NOXO1: variants seen among roughly 807,000 people sequenced by gnomAD.
The protein encoded by NOXO1 is NADPH oxidase regulatory protein.
In NOXO1, 38 loss-of-function variants were observed where a neutral mutation model predicts 33.3. That is an observed-to-expected ratio of 1.14 (90% confidence interval 0.88 to 1.50). NOXO1 has a LOEUF of 1.50. NOXO1 is among the 40% of genes most tolerant of loss of function. NOXO1 has a pLI of 0.00. For synonymous variants in NOXO1, 302 were observed against 237.3 expected (o/e 1.27, Z -2.51); for missense variants, 675 against 527.1 (o/e 1.28, Z -2.75).
Position 1,981,126 on chromosome 16 carries a change from G to C in NOXO1, c.54C>G (p.Ile18Met), listed in dbSNP as rs779727689. ...VSVQGAALVQ[I>M]KRLQTFAFSV... is the part of the protein sequence containing the mutation. ...AGCCAGGTCTTACTTGGAGCCTCTTGATCTGCACCAGGGCTGCCCCTTGCA... is the reference window on the plus strand; with the variant it reads ...AGCCAGGTCTTACTTGGAGCCTCTTCATCTGCACCAGGGCTGCCCCTTGCA... Residue 18 changes from isoleucine (I) to methionine (M), a missense_variant, in exon 1 of 8, where the codon ATC (isoleucine) becomes ATG (methionine). Coordinates refer to ENST00000356120, the MANE Select transcript of NOXO1 (RefSeq NM_172167.3). The C allele has an allele frequency of 6.2e-7, 1 of 1,613,458 alleles. No homozygotes were observed. The highest frequency in any genetic ancestry group is 8.5e-7 in the Non-Finnish European group (1 of 1,179,972).
In NOXO1 at chr16:1,981,326, C is replaced by T; in HGVS notation, c.-147G>A. 6.9e-7 allele frequency: 1 copy of T among 1,449,256 alleles called. No homozygotes were observed. Among genetic ancestry groups the T allele is most frequent in the Non-Finnish European group, 9.1e-7 (1 of 1,103,924 alleles). 89.8% of individuals were successfully genotyped at this position (1,449,256 alleles called of 1,614,324 possible). On this transcript the variant is annotated 5_prime_UTR_variant, in exon 1 of 8. Coordinates refer to ENST00000356120, the MANE Select transcript of NOXO1 (RefSeq NM_172167.3). ...GCCTGTGGGGTCCTTGTGGAGCCGC[C>T]CCAGCTGAGTCCTTTGCAGCTTTCT...
Position 1,980,479 on chromosome 16 carries a change from T to G in NOXO1, c.289A>C (p.Thr97Pro). The G allele has an allele frequency of 6.2e-7, 1 of 1,601,528 alleles. No individual in the cohort carries two copies. Among genetic ancestry groups the G allele is most frequent in the Non-Finnish European group, 8.5e-7 (1 of 1,179,496 alleles). The change falls in exon 4 of 8, where the codon ACC becomes CCC. Residue 97 changes from threonine to proline, a missense_variant. Thr to Pro is a conservative substitution (Grantham distance 38, BLOSUM62 -1). Transcript: ENST00000356120. ...RGLARLQLLE[T>P]YSRRLLATAE... ...GTCGCCAGCAGCCTCCGAGAATAGG[T>G]TTCCAACAGCTGCAGGCGCGCCAGG...
chr16:1,979,712 G>A (rs1173586046), intron 6 of NOXO1, 78 bp downstream of exon 6: 4 of 1,286,488 alleles, frequency 3.1e-6, no homozygotes, highest in Non-Finnish European at 3.2e-6. Context: ...GGCCCGCCCT[G>A]CCCGCGGTGC....
chr16:1,979,766 T>G, intron 6 of NOXO1, 24 bp downstream of exon 6: 1 of 1,472,584 alleles, frequency 6.8e-7, no homozygotes, highest in Non-Finnish European at 9.1e-7. Flanking sequence ...AGTGGTGGCG[T>G]GAGGGGTGGG....
chr16:1,979,821 GC>G lies in NOXO1; in HGVS notation c.668del (p.Gly223AlafsTer8). 7.7e-6 allele frequency: 12 copies of G among 1,566,918 alleles called. No individual in the cohort carries two copies. Among genetic ancestry groups the G allele is most frequent in the Non-Finnish European group, 1.0e-5 (12 of 1,157,652 alleles). ...PYLEEAAPGQ[G>X]REGGPSLGSS... ...TCCCTAGGGACGGGCCTCCCTCCCG[GC>G]CTTGGCCCGGGGCCGCCTCCTCCAG... On this transcript the variant is annotated frameshift_variant, in exon 6 of 8. Coordinates refer to ENST00000356120, the MANE Select transcript of NOXO1 (RefSeq NM_172167.3). LOFTEE classifies it high-confidence loss of function.
chr16:1,979,096 G>T lies in NOXO1; in HGVS notation c.1072C>A (p.Arg358=). 1 of 1,508,022 alleles carries T rather than the reference G, an allele frequency of 6.6e-7. No individual in the cohort carries two copies. The highest frequency in any genetic ancestry group is 2.6e-5 in the East Asian group (1 of 38,942). The allele number at this position is 1,508,022 out of a possible 1,614,324, so 93.4% of individuals were successfully genotyped here. A position where few individuals can be genotyped will look rare whatever the true frequency, so the allele number is the denominator to read the frequency against. Residue 358 remains arginine, a synonymous_variant, in exon 8 of 8, where the codon CGA becomes AGA. Coordinates refer to ENST00000356120, the MANE Select transcript of NOXO1 (RefSeq NM_172167.3). ...TGCGGCACAGAGTCCACGCACCCTC[G>T]AGGGCGGCCCTGGCGCCGTGGGCGC... ...ERRPRRQGRP[R]GCVDSVPHPT...
chr16:1,981,018 G>T lies in NOXO1; in HGVS notation c.68C>A (p.Thr23Lys). The change falls in exon 2 of 8, where the codon ACG becomes AAG. Residue 23 changes from threonine (T) to lysine (K), a missense_variant and splice_region_variant. Thr to Lys is a moderately conservative substitution (Grantham distance 78). Coordinates refer to ENST00000356120, the MANE Select transcript of NOXO1 (RefSeq NM_172167.3). Reference protein sequence around the residue: ...AALVQIKRLQTFAFSVRWSDG... With the variant: ...AALVQIKRLQKFAFSVRWSDG... ...TGACCAGCGCACAGAGAAGGCAAAC[G>T]TCTGGGGGACAAAAAGTTGGGAGTG... 1 of 1,613,324 alleles carries T rather than the reference G, an allele frequency of 6.2e-7. No individual in the cohort carries two copies. Among genetic ancestry groups the T allele is most frequent in the Non-Finnish European group, 8.5e-7 (1 of 1,179,958 alleles).
At position 1,979,223 on chromosome 16, in the gene NOXO1, T is replaced by G. The variant is rs921612867; in HGVS notation, c.945A>C (p.Glu315Asp). The change falls in exon 8 of 8, where the codon GAA becomes GAC. Residue 315 changes from glutamate to aspartate, a missense_variant. Coordinates refer to ENST00000356120, the MANE Select transcript of NOXO1 (RefSeq NM_172167.3). The stretch of plus-strand genomic sequence containing the variant: ...GGGGAGGGGCGGTGGCCTGGGAGGG[T>G]TCAGGGAAGCCCCGGGCCTCACCCG... ...DPAGEARGFP[E>D]PSQATAPPPT... 6 of 1,493,778 alleles carry G rather than the reference T, an allele frequency of 4.0e-6. No individual in the cohort carries two copies. Among genetic ancestry groups the G allele is most frequent in the Non-Finnish European group, 5.3e-6 (6 of 1,129,022 alleles). 92.5% of individuals were successfully genotyped at this position (1,493,778 alleles called of 1,614,324 possible).
rs150460057 is a variant in NOXO1, at chr16:1,980,457, G to T, written c.311C>A (p.Ala104Glu). 2 of 1,601,902 alleles carry T rather than the reference G, an allele frequency of 1.2e-6. No individual in the cohort carries two copies. Among genetic ancestry groups the T allele is most frequent in the Non-Finnish European group, 1.7e-6 (2 of 1,179,838 alleles). The change falls in exon 4 of 8, where the codon GCG becomes GAG. Residue 104 changes from alanine to glutamate, a missense_variant. Physicochemically the swap from Ala to Glu is moderately radical, Grantham distance 107. Coordinates refer to ENST00000356120, the MANE Select transcript of NOXO1 (RefSeq NM_172167.3). ...GCTCCGTGCCACGCGCTCTGCAGTC[G>T]CCAGCAGCCTCCGAGAATAGGTTTC... ...LLETYSRRLL[A>E]TAERVARSPT... is the part of the protein sequence containing the mutation.
In NOXO1 at chr16:1,981,148, T is replaced by C. The variant is rs899418192; in HGVS notation, c.32A>G (p.Gln11Arg). 6.2e-7 allele frequency: 1 copy of C among 1,613,580 alleles called. No homozygotes were observed. The highest frequency in any genetic ancestry group is 8.5e-7 in the Non-Finnish European group (1 of 1,180,010). Residue 11 changes from glutamine (Q) to arginine (R), a missense_variant, in exon 1 of 8, where the codon CAA (glutamine) becomes CGA (arginine). Transcript: ENST00000356120. MAGPRYPVSV[Q>R]GAALVQIKRL... ...CTTGATCTGCACCAGGGCTGCCCCTTGCACTGAAACTGGGTATCGGGGGCC... is the reference window on the plus strand; with the variant it reads ...CTTGATCTGCACCAGGGCTGCCCCTCGCACTGAAACTGGGTATCGGGGGCC...
rs769010540 is a variant in NOXO1, at chr16:1,980,189, G to A, written c.402-8C>T. On this transcript the variant is annotated splice_polypyrimidine_tract_variant and splice_region_variant and intron_variant, in intron 4 of 7. Coordinates refer to ENST00000356120, the MANE Select transcript of NOXO1 (RefSeq NM_172167.3). ...GTGGGCAGGATCACCCGGCTGGGAA[G>A]GGCAGCCCGTACGAGTGAGAGGTAG... 3.8e-6 allele frequency: 6 copies of A among 1,594,084 alleles called. No homozygotes were observed. Among genetic ancestry groups the A allele is most frequent in the Non-Finnish European group, 5.1e-6 (6 of 1,173,488 alleles).
At chr16:1,979,400 C>T (rs2083448937) in intron 7 of NOXO1, 25 bp downstream of exon 7, 1 of 1,601,602 alleles carries the variant, frequency 6.2e-7, no homozygotes, top group Admixed American at 1.7e-5. Context: ...GCTAGCCTGC[C>T]CTGCCCACGC....
In NOXO1 at chr16:1,980,514, G is replaced by C. The variant is rs767128210; in HGVS notation, c.254C>G (p.Thr85Arg). The part of the protein sequence containing the change: ...DAPLLGRVGR[T>R]SRGLARLQLL... ...CTGCAGGCGCGCCAGGCCGCGGCTC[G>C]TGCGCCCCACGCGTCCCAACAGTGG... Residue 85 changes from threonine (T) to arginine (R), a missense_variant, in exon 4 of 8, where the codon ACG becomes AGG. Thr to Arg is a moderately conservative substitution (Grantham distance 71). Coordinates refer to ENST00000356120, the MANE Select transcript of NOXO1 (RefSeq NM_172167.3). 13 of 1,603,012 alleles carry C rather than the reference G, an allele frequency of 8.1e-6. 1 individual carries two copies. The South Asian group carries it at 1.3e-4, about 16-fold the overall frequency.
At chr16:1,979,714 C>G in intron 6 of NOXO1, 76 bp downstream of exon 6, 2 of 1,295,476 alleles carry the variant, frequency 1.5e-6, no homozygotes, top group Non-Finnish European at 1.0e-6. Flanking sequence ...CCCGCCCTGC[C>G]CGCGGTGCTT....
chr16:1,979,685 A>G, intron 6 of NOXO1, 105 bp downstream of exon 6: 4 of 1,182,096 alleles, frequency 3.4e-6, no homozygotes, highest in Non-Finnish European at 4.7e-6. Context: ...AGGTGCGGAG[A>G]CCAAGCACGG....
At position 1,979,197 on chromosome 16, in the gene NOXO1, G is replaced by C. The variant is rs780018492; in HGVS notation, c.971C>G (p.Pro324Arg). 1.2e-5 allele frequency: 18 copies of C among 1,462,932 alleles called. No homozygotes were observed. Among genetic ancestry groups the C allele is most frequent in the Non-Finnish European group, 1.6e-5 (18 of 1,115,494 alleles). 90.6% of individuals were successfully genotyped at this position (1,462,932 alleles called of 1,614,324 possible). A position where few individuals can be genotyped will look rare whatever the true frequency, so the allele number is the denominator to read the frequency against. The change falls in exon 8 of 8, where the codon CCC becomes CGC. Residue 324 changes from proline to arginine, a missense_variant. Transcript: ENST00000356120. ...CGGCGAAGGTCGGGTGGGCACGGTG[G>C]GGGGAGGGGCGGTGGCCTGGGAGGG... ...PEPSQATAPP[P>R]TVPTRPSPGA...
chr16:1,979,358 G>T lies in NOXO1; in HGVS notation c.819-9C>A. ...CCGCCCGGTCGCCGTACCTGCGAGG[G>T]GCGGGGTGTGGTTAGGGCCCCGCCC... On this transcript the variant is annotated splice_polypyrimidine_tract_variant and intron_variant, in intron 7 of 7. Transcript: ENST00000356120. 1 of 1,583,746 alleles carries T rather than the reference G, an allele frequency of 6.3e-7. No homozygotes were observed.
rs1215764052 is a variant in NOXO1, at chr16:1,981,389, C to CA, written c.-211dup. The CA allele has an allele frequency of 1.5e-6, 2 of 1,294,638 alleles. No homozygotes were observed. Among genetic ancestry groups the CA allele is most frequent in the East Asian group, 5.1e-5 (2 of 39,190 alleles). The allele number at this position is 1,294,638 out of a possible 1,614,324, so 80.2% of individuals were successfully genotyped here. On this transcript the variant is annotated 5_prime_UTR_variant, in exon 1 of 8. Coordinates refer to ENST00000356120, the MANE Select transcript of NOXO1 (RefSeq NM_172167.3). ...AGCCCACGATCTGGGGGCAGGAGCA[C>CA]AGGGATTGGGGGACTTCCAGGCAGA...
chr16:1,980,992 C>G lies in NOXO1; in HGVS notation c.94G>C (p.Asp32His), dbSNP rs1042043807. 3.1e-6 allele frequency: 5 copies of G among 1,613,156 alleles called. No homozygotes were observed. The highest frequency in any genetic ancestry group is 1.3e-5 in the African/African-American group (1 of 74,946). The change falls in exon 2 of 8, where the codon GAC becomes CAC. Residue 32 changes from aspartate (D) to histidine (H), a missense_variant. Physicochemically the swap from Asp to His is moderately conservative, Grantham distance 81. Coordinates refer to ENST00000356120, the MANE Select transcript of NOXO1 (RefSeq NM_172167.3). ...QTFAFSVRWS[D>H]GSDTFVRRSW... Reference sequence around the variant, plus strand: ...CTGCGCACGAAGGTGTCGCTGCCGTCTGACCAGCGCACAGAGAAGGCAAAC... The same window carrying G: ...CTGCGCACGAAGGTGTCGCTGCCGTGTGACCAGCGCACAGAGAAGGCAAAC...
Sources: gnomAD v4.1 joint callset for allele counts on GRCh38, gnomAD v4.1.1 for gene constraint, MANE v1.5 for transcripts, NCBI Gene and HGNC (gene_info 2026-07-23, HGNC 2026-07-21) for gene names.